The following PTPRD variants were observed in gnomAD, a reference collection of about 807,000 sequenced individuals.
The protein encoded by PTPRD is protein tyrosine phosphatase receptor type D.
In PTPRD, 34 loss-of-function variants were observed where a neutral mutation model predicts 214.5. The ratio of observed to expected loss-of-function variants is 0.16; its 90% confidence interval spans 0.12 to 0.21. The LOEUF is 0.21. Among genes scored for constraint, PTPRD ranks in the 10% least tolerant of loss-of-function variants. The pLI is 1.00. For synonymous variants in PTPRD, 1,128 were observed against 845.7 expected (o/e 1.33, Z -5.79); for missense variants, 2,545 against 2,398.7 (o/e 1.06, Z -1.27).
intron 10 of PTPRD, among the ~76,000 whole-genome samples, chr9:9,031,159 A>T (rs1332763589): frequency 1.3e-5 from 2 of 151,956 alleles, no homozygotes; most frequent in Non-Finnish European, 2.9e-5. Context: ...TGACTTGTTG[A>T]TGGGTCTTTG....
intron 11 of PTPRD, among the ~76,000 whole-genome samples, chr9:8,787,216 T>G (rs912395915): frequency 3.3e-5 from 5 of 152,204 alleles, no homozygotes; most frequent in African/African-American, 4.8e-5. Context: ...CTTGGGAAGC[T>G]AGACACTCAT....
chr9:8,426,562 A>C (rs866054683), intron 35 of PTPRD, among the ~76,000 whole-genome samples: 5 of 152,124 alleles, frequency 3.3e-5, no homozygotes, highest in African/African-American at 9.7e-5. Flanking sequence ...AGCAGGTGAA[A>C]AGACATTTTG....
At chr9:9,455,161 T>C (rs2092806402) in intron 8 of PTPRD, among the ~76,000 whole-genome samples, 2 of 151,756 alleles carry the variant, frequency 1.3e-5, no homozygotes, top group African/African-American at 2.4e-5. Context: ...GGTGGTAGCA[T>C]AGATGGTTAT....
chr9:9,894,575 AT>A (rs1403025185), intron 5 of PTPRD, among the ~76,000 whole-genome samples: 1 of 151,778 alleles, frequency 6.6e-6, no homozygotes, highest in Non-Finnish European at 1.5e-5. Flanking sequence ...CAGCACCATC[AT>A]TTTTTCACAA....
intron 7 of PTPRD, among the ~76,000 whole-genome samples, chr9:9,582,217 G>C (rs1012599086): frequency 6.6e-6 from 1 of 152,062 alleles, no homozygotes; most frequent in Non-Finnish European, 1.5e-5. Flanking sequence ...TAGTCTCAAT[G>C]CCATAAGATT....
chr9:9,279,395 T>TG (rs1555167394), intron 9 of PTPRD, among the ~76,000 whole-genome samples: 2 of 148,460 alleles, frequency 1.3e-5, no homozygotes, highest in Non-Finnish European at 3.0e-5. Flanking sequence ...TAGATAGATA[T>TG]AACACTTTAA....
chr9:10,032,477 C>T (rs765828413), intron 4 of PTPRD, among the ~76,000 whole-genome samples: 1 of 152,148 alleles, frequency 6.6e-6, no homozygotes, highest in Non-Finnish European at 1.5e-5. Context: ...GAAATTCTTT[C>T]ACTCCCTAAA....
At chr9:8,477,687 A>C (rs2096792760) in intron 30 of PTPRD, among the ~76,000 whole-genome samples, 1 of 152,172 alleles carries the variant, frequency 6.6e-6, no homozygotes, top group South Asian at 2.1e-4. Context: ...CACTAAACAC[A>C]CACTTCTGTG....
At chr9:8,745,428 A>G (rs893543482) in intron 11 of PTPRD, among the ~76,000 whole-genome samples, 3 of 152,206 alleles carry the variant, frequency 2.0e-5, no homozygotes, top group Non-Finnish European at 2.9e-5. Context: ...GGCATAAACG[A>G]AAGGGGAAGG....
intron 4 of PTPRD, among the ~76,000 whole-genome samples, chr9:9,998,030 A>G (rs916176865): frequency 2.7e-5 from 4 of 150,766 alleles, no homozygotes; most frequent in Non-Finnish European, 5.9e-5. Flanking sequence ...AATATTACCA[A>G]CCACTTTTCT....
intron 9 of PTPRD, among the ~76,000 whole-genome samples, chr9:9,340,806 T>C (rs2137272625): frequency 6.6e-6 from 1 of 152,330 alleles, no homozygotes; most frequent in East Asian, 1.9e-4. Flanking sequence ...AAAAATAAAT[T>C]TCATTGACAA....
chr9:8,881,342 T>C (rs1159985787), intron 11 of PTPRD, among the ~76,000 whole-genome samples: 1 of 152,248 alleles, frequency 6.6e-6, no homozygotes, highest in Admixed American at 6.5e-5. Context: ...TTTCCATGAA[T>C]ATTTTTGTAA....
chr9:8,797,071 T>A (rs1256001503), intron 11 of PTPRD: 1 of 152,156 alleles, frequency 6.6e-6, no homozygotes, highest in East Asian at 1.9e-4. Context: ...CATAACATGA[T>A]ACGCCTTACT....
At chr9:9,787,981 C>T (rs1389935996) in intron 5 of PTPRD, among the ~76,000 whole-genome samples, 2 of 151,240 alleles carry the variant, frequency 1.3e-5, no homozygotes, top group African/African-American at 4.9e-5. Flanking sequence ...CAGGATTTTG[C>T]CATTTTGACC....
At chr9:8,658,757 G>C (rs1368965558) in intron 12 of PTPRD, among the ~76,000 whole-genome samples, 1 of 151,058 alleles carries the variant, frequency 6.6e-6, no homozygotes, top group Non-Finnish European at 1.5e-5. Context: ...CACTACCCTA[G>C]CTACAAAGGA....
intron 9 of PTPRD, among the ~76,000 whole-genome samples, chr9:9,361,689 ATAT>A (rs1445391017): frequency 1.3e-5 from 2 of 151,114 alleles, no homozygotes; most frequent in Non-Finnish European, 3.0e-5. Context: ...AAAACACAAT[ATAT>A]TATTATAAAC....
intron 10 of PTPRD, chr9:9,090,926 G>A (rs932469711): frequency 4.7e-5 from 73 of 1,537,816 alleles, no homozygotes; most frequent in East Asian, 1.6e-4. Flanking sequence ...AACAATGGTC[G>A]TGCCAAAAAG....
intron 10 of PTPRD, among the ~76,000 whole-genome samples, chr9:9,129,831 A>G (rs1191702119): frequency 1.3e-5 from 2 of 152,186 alleles, no homozygotes; most frequent in Non-Finnish European, 2.9e-5. Context: ...TTTATACTCA[A>G]GGCATGACAG....
At chr9:8,860,109 C>A (rs1255175835) in intron 11 of PTPRD, 1 of 152,196 alleles carries the variant, frequency 6.6e-6, no homozygotes, top group Non-Finnish European at 1.5e-5. Context: ...AACTGGCAAT[C>A]CCACTTTCCT....
Sources: gnomAD v4.1 joint callset for allele counts (sites outside exome capture counted in the v4.1 genomes callset) on GRCh38, gnomAD v4.1.1 for gene constraint, MANE v1.5 for transcripts, NCBI Gene and HGNC (gene_info 2026-07-23, HGNC 2026-07-21) for gene names.